TG: variants seen among roughly 807,000 people sequenced by gnomAD.
TG encodes the protein thyroid hormones.
Under a neutral mutation model 324.7 loss-of-function variants are expected in TG, and 270 were observed. The ratio of observed to expected loss-of-function variants is 0.83; its 90% CI spans 0.75 to 0.92. The LOEUF is 0.92. Ranked by LOEUF, TG falls within the 40% of genes least tolerant of loss-of-function variation. TG has a pLI of 0.00. For synonymous variants in TG, 1,401 were observed against 1,327.0 expected (o/e 1.06, Z -1.21); for missense variants, 3,591 against 3,456.4 (o/e 1.04, Z -0.98).
At chr8:132,970,466 T>C (rs1199837813) in intron 32 of TG, among the ~76,000 whole-genome samples, 1 of 152,180 alleles carries the variant, frequency 6.6e-6, no homozygotes, top group Admixed American at 6.5e-5. Flanking sequence ...GAATCTGACC[T>C]TTAAGGAAGC....
chr8:133,082,486 G>A (rs142169109), intron 41 of TG, among the ~76,000 whole-genome samples: 2 of 152,316 alleles, frequency 1.3e-5, no homozygotes, highest in African/African-American at 4.8e-5. Context: ...CATAGAAGGA[G>A]CTCACAGATG....
chr8:132,955,598 A>G (rs1255417288), intron 27 of TG, among the ~76,000 whole-genome samples: 1 of 152,150 alleles, frequency 6.6e-6, no homozygotes. Context: ...CTGACCAATA[A>G]ATATGTACCT....
chr8:133,123,679 A>G (rs1409665734), intron 45 of TG, among the ~76,000 whole-genome samples: 1 of 152,026 alleles, frequency 6.6e-6, no homozygotes, highest in Admixed American at 6.5e-5. Flanking sequence ...TCTGCTGCTC[A>G]TGAACAAAGG....
At chr8:133,035,475 AATCT>A (rs1837016875) in intron 41 of TG, among the ~76,000 whole-genome samples, 3 of 152,162 alleles carry the variant, frequency 2.0e-5, no homozygotes, top group African/African-American at 7.2e-5. Flanking sequence ...GTGTTATCAA[AATCT>A]ATCTACCTAT....
chr8:133,064,224 C>G (rs147469607), intron 41 of TG: 1 of 152,176 alleles, frequency 6.6e-6, no homozygotes, highest in Admixed American at 6.5e-5. Context: ...AAAGAGCGAG[C>G]CTGATAACCC....
intron 34 of TG, among the ~76,000 whole-genome samples, chr8:132,979,039 T>A (rs867037071): frequency 2.6e-5 from 4 of 152,102 alleles, no homozygotes; most frequent in African/African-American, 9.7e-5. Flanking sequence ...GGCTAAGCAA[T>A]GTGAATGCAA....
chr8:132,952,861 A>G (rs1396153137), intron 27 of TG, among the ~76,000 whole-genome samples: 2 of 152,212 alleles, frequency 1.3e-5, no homozygotes, highest in South Asian at 4.1e-4. Context: ...CATTAGTGCC[A>G]TGGCTGGGGC....
At chr8:132,883,917 G>T (rs976790233) in intron 8 of TG, among the ~76,000 whole-genome samples, 1 of 152,186 alleles carries the variant, frequency 6.6e-6, no homozygotes, top group African/African-American at 2.4e-5. Flanking sequence ...CAGGGTGTCA[G>T]CGGGGCCGTG....
At chr8:132,966,400 T>C (rs1480470722) in intron 29 of TG, among the ~76,000 whole-genome samples, 160 bp from the exon 30 acceptor site, 2 of 152,192 alleles carry the variant, frequency 1.3e-5, no homozygotes, top group Non-Finnish European at 2.9e-5. Flanking sequence ...AATCCTGCTC[T>C]GGTTTCACAC....
chr8:132,959,033 T>A lies in TG; in HGVS notation c.5402-1975T>A, dbSNP rs1482704164. ...CCTTCTAAAGAAGGCTATGACAGAA[T>A]TTTGAGTAGATCCTTTAGAGAAACA... is the stretch of plus-strand genomic sequence containing the variant. On this transcript the variant is annotated intron_variant, in intron 27 of 47. Transcript: ENST00000220616. Among the ~76,000 whole-genome samples, 38 of 152,234 alleles carry A rather than the reference T, an allele frequency of 2.5e-4. 1 individual carries two copies. Among genetic ancestry groups the A allele is most frequent in the Admixed American group, 2.5e-3 (38 of 15,286 alleles).
At chr8:133,081,588 G>GA (rs35336483) in intron 41 of TG, among the ~76,000 whole-genome samples, 38,752 of 151,212 alleles carry the variant, frequency 0.26, 5,251 homozygotes, top group African/African-American at 0.31. Context: ...GGAAGAAGAA[G>GA]AAAAAAAAAG....
intron 41 of TG, among the ~76,000 whole-genome samples, chr8:133,092,134 A>G (rs1474642727): frequency 6.6e-6 from 1 of 152,122 alleles, no homozygotes; most frequent in Non-Finnish European, 1.5e-5. Flanking sequence ...AGAGAATCCT[A>G]ACTCCCAGGA....
chr8:133,100,909 A>T (rs761724015), intron 43 of TG, among the ~76,000 whole-genome samples: 1 of 152,198 alleles, frequency 6.6e-6, no homozygotes, highest in Non-Finnish European at 1.5e-5. Flanking sequence ...ACTTTACGTT[A>T]TCTCAACTGT....
chr8:133,050,788 T>C, intron 41 of TG: 1 of 1,400,672 alleles, frequency 7.1e-7, no homozygotes, highest in Non-Finnish European at 1.0e-6. Context: ...GCTTTGAAGA[T>C]TGCACAAGTT....
intron 29 of TG, chr8:132,964,736 C>T (rs1587603864): frequency 1.7e-6 from 1 of 593,278 alleles, no homozygotes; most frequent in Non-Finnish European, 3.0e-6. Context: ...CATTTTTGAG[C>T]ACATGTGGCT....
chr8:133,113,610 T>C lies in TG; in HGVS notation c.7754+7T>C, dbSNP rs1019368609. 1 of 1,613,568 alleles carries C rather than the reference T, an allele frequency of 6.2e-7. No homozygotes were observed. Among genetic ancestry groups the C allele is most frequent in the Non-Finnish European group, 8.5e-7 (1 of 1,179,720 alleles). On this transcript the variant is annotated splice_region_variant and intron_variant, in intron 44 of 47. Coordinates refer to ENST00000220616, the MANE Select transcript of TG (RefSeq NM_003235.5). ...CTCTGGAGAATGCCACCCGGTAAGCTAAGCTGCAGGAGGGTGCAGATTCCT... is the reference window on the plus strand; with the variant it reads ...CTCTGGAGAATGCCACCCGGTAAGCCAAGCTGCAGGAGGGTGCAGATTCCT...
At chr8:133,005,599 T>G (rs2130856662) in intron 35 of TG, among the ~76,000 whole-genome samples, 1 of 152,278 alleles carries the variant, frequency 6.6e-6, no homozygotes, top group Non-Finnish European at 1.5e-5. Context: ...TATCACCATT[T>G]TATAGATAAG....
At chr8:133,041,474 A>G (rs569733149) in intron 41 of TG, among the ~76,000 whole-genome samples, 58 of 152,308 alleles carry the variant, frequency 3.8e-4, no homozygotes, top group African/African-American at 1.3e-3. Flanking sequence ...CCATGAATTT[A>G]GAGGGAGATT....
intron 25 of TG, among the ~76,000 whole-genome samples, chr8:132,936,830 C>T (rs369090248): frequency 2.6e-5 from 4 of 152,342 alleles, no homozygotes; most frequent in African/African-American, 9.6e-5. Flanking sequence ...GACCTGTGAC[C>T]TGTGGTTCCT....
Sources: gnomAD v4.1 joint callset for allele counts (sites outside exome capture counted in the v4.1 genomes callset) on GRCh38, gnomAD v4.1.1 for gene constraint, MANE v1.5 for transcripts, NCBI Gene and HGNC (gene_info 2026-07-23, HGNC 2026-07-21) for gene names.